The following BRWD3 variants were observed in gnomAD, a reference collection of about 807,000 sequenced individuals.
BRWD3 encodes the protein bromodomain and WD repeat-containing protein 3.
BRWD3 carries 10 observed loss-of-function variants against 149.7 expected under a neutral mutation model. The observed-to-expected ratio is 0.07, with a 90% CI of 0.04 to 0.11. The LOEUF (loss-of-function observed/expected upper bound fraction) is 0.11. Among genes scored for constraint, BRWD3 ranks in the 10% least tolerant of loss-of-function variants. BRWD3 has a pLI of 1.00. For synonymous variants in BRWD3, 504 were observed against 456.7 expected, an observed-to-expected ratio of 1.10 and a Z score of -1.32; for missense variants, 940 against 1,373.2, an observed-to-expected ratio of 0.68 and a Z score of 4.99.
chrX:80,780,099 A>G (rs765867030), intron 6 of BRWD3, among the ~76,000 whole-genome samples: 4 of 111,259 alleles, frequency 3.6e-5, no homozygotes, highest in African/African-American at 1.3e-4. Flanking sequence ...TTTTAACTTA[A>G]TTTGGTTAAT....
rs2072620646 is a variant in BRWD3 at position 80,692,082 on chromosome X, T to C, written c.3325+7A>G. 4 of 1,200,446 alleles carry C rather than the reference T, an allele frequency of 3.3e-6. No individual in the cohort carries two copies. The highest frequency in any genetic ancestry group is 2.2e-5 in the Admixed American group (1 of 45,678). On this transcript the variant is annotated splice_region_variant and intron_variant, in intron 29 of 40. Coordinates refer to ENST00000373275, the MANE Select transcript of BRWD3 (RefSeq NM_153252.5). ...AATTATAATTCATTTTTTAAAAGCA[T>C]ATTTACTTCCTTCTGGAATTGGCTC... is the stretch of plus-strand genomic sequence containing the variant.
intron 6 of BRWD3, among the ~76,000 whole-genome samples, chrX:80,754,766 A>C (rs1254927686): frequency 1.8e-5 from 2 of 112,034 alleles, no homozygotes; most frequent in Non-Finnish European, 3.8e-5. Flanking sequence ...CAGCACTTTG[A>C]GAGGCTGAGG....
At chrX:80,772,333 T>A (rs989823493) in intron 6 of BRWD3, among the ~76,000 whole-genome samples, 7 of 111,032 alleles carry the variant, frequency 6.3e-5, no homozygotes, top group African/African-American at 2.3e-4. Flanking sequence ...ATGGATACAG[T>A]TGGAAACCAT....
At chrX:80,752,670 T>G (rs180710424) in intron 6 of BRWD3, among the ~76,000 whole-genome samples, 68 of 112,035 alleles carry the variant, frequency 6.1e-4, no homozygotes, top group African/African-American at 2.0e-3. Context: ...GAGCATTTTT[T>G]CTTTTTCTTT....
chrX:80,723,573 C>A (rs947659951), intron 16 of BRWD3, among the ~76,000 whole-genome samples, 175 bp downstream of exon 16: 4 of 109,620 alleles, frequency 3.6e-5, no homozygotes, highest in Non-Finnish European at 7.6e-5. Flanking sequence ...CACAGCCAAA[C>A]CTAAGGTTCT....
intron 20 of BRWD3, among the ~76,000 whole-genome samples, chrX:80,713,393 C>T (rs1016326187): frequency 8.9e-6 from 1 of 111,992 alleles, no homozygotes; most frequent in Non-Finnish European, 1.9e-5. Flanking sequence ...GACCTTAACC[C>T]CAACCCTGTG....
At chrX:80,736,261 A>G (rs1430683186) in intron 8 of BRWD3, among the ~76,000 whole-genome samples, 173 bp from the exon 9 acceptor site, 8 of 111,958 alleles carry the variant, frequency 7.1e-5, no homozygotes, top group Admixed American at 6.6e-4. Flanking sequence ...ATACCTTATA[A>G]AAAATTTAAA....
intron 6 of BRWD3, among the ~76,000 whole-genome samples, chrX:80,765,400 G>A (rs1199297221): frequency 8.9e-6 from 1 of 111,732 alleles, no homozygotes; most frequent in Non-Finnish European, 1.9e-5. Flanking sequence ...TGTGATTAAG[G>A]TCAATACAAG....
chrX:80,714,694 T>C (rs1392148764), intron 20 of BRWD3, among the ~76,000 whole-genome samples: 2 of 112,332 alleles, frequency 1.8e-5, no homozygotes, highest in Non-Finnish European at 1.9e-5. Flanking sequence ...TCACTCATTT[T>C]TGGCTCAGAA....
chrX:80,719,533 TCTC>T lies in BRWD3; in HGVS notation c.1997_1999del (p.Gly666del), dbSNP rs1332497533. 1 of 1,206,347 alleles carries T rather than the reference TCTC, an allele frequency of 8.3e-7. No individual in the cohort carries two copies. Among genetic ancestry groups the T allele is most frequent in the Non-Finnish European group, 1.1e-6 (1 of 892,455 alleles). ...TCTATTAACTGGTAAATGTGGAACATCTCCTTCATTAATTAGTCTCAGGTCTTG... is the reference window on the plus strand; with the variant it reads ...TCTATTAACTGGTAAATGTGGAACATCTTCATTAATTAGTCTCAGGTCTTG... On this transcript the variant is annotated inframe_deletion, in exon 18 of 41. Transcript: ENST00000373275.
At chrX:80,792,022 T>C in intron 5 of BRWD3, 70 bp from the exon 6 acceptor site, 1 of 636,947 alleles carries the variant, frequency 1.6e-6, no homozygotes, top group Non-Finnish European at 2.5e-6. Context: ...CAGAAGCAAA[T>C]GTCTGATTTT....
chrX:80,748,485 T>C (rs889147436), intron 6 of BRWD3, among the ~76,000 whole-genome samples: 16 of 112,458 alleles, frequency 1.4e-4, no homozygotes, highest in African/African-American at 5.2e-4. Context: ...CTTTAAATGT[T>C]TGGTAGAATT....
At chrX:80,766,428 C>T (rs1172436224) in intron 6 of BRWD3, among the ~76,000 whole-genome samples, 2 of 111,399 alleles carry the variant, frequency 1.8e-5, no homozygotes, top group African/African-American at 6.5e-5. Context: ...TTCTGTTTCT[C>T]TGACGTACCC....
At chrX:80,785,118 G>A (rs1039210805) in intron 6 of BRWD3, among the ~76,000 whole-genome samples, 4 of 112,181 alleles carry the variant, frequency 3.6e-5, no homozygotes, top group Admixed American at 9.5e-5. Flanking sequence ...TTAAAATGAC[G>A]AAGAAATAGT....
Position 80,704,773 on chromosome X carries a change from T to C in BRWD3, c.2626A>G (p.Arg876Gly). ...CTGCATATTTTACGTGTTGTCTGTC[T>C]GGTTTGTCTTTTTGGGGGTTGTAAA... ...INLQPPKRQT[R>G]QTTRKICSSS... Residue 876 changes from arginine to glycine, a missense_variant, in exon 23 of 41, where the codon AGA becomes GGA. Arg to Gly is a moderately radical substitution (Grantham distance 125). This residue lies in a region of BRWD3 where 158 missense variants were observed against 284.0 expected (regional missense o/e 0.56). Transcript: ENST00000373275. The C allele has an allele frequency of 4.1e-6, 5 of 1,211,317 alleles. No individual in the cohort carries two copies. The highest frequency in any genetic ancestry group is 5.6e-6 in the Non-Finnish European group (5 of 894,862).
chrX:80,707,461 G>A lies in BRWD3; in HGVS notation c.2518C>T (p.Pro840Ser). 8.3e-7 allele frequency: 1 copy of A among 1,211,235 alleles called. No individual in the cohort carries two copies. The highest frequency in any genetic ancestry group is 1.1e-6 in the Non-Finnish European group (1 of 895,097). ...CTTTCACTTTGCCATTCAACAACAG[G>A]ATCCTCTACCGAAGCGTCACTTGTG... ...VGTSDASVED[P>S]VVEWQSESSS... is the part of the protein sequence containing the mutation. The change falls in exon 22 of 41, where the codon CCT (proline) becomes TCT (serine). Residue 840 changes from proline to serine, a missense_variant. Coordinates refer to ENST00000373275, the MANE Select transcript of BRWD3 (RefSeq NM_153252.5).
At position 80,701,545 on chromosome X, in the gene BRWD3, CAAAAAAAAAAAAAA is replaced by C. The variant is rs140140883; in HGVS notation, c.2836-1495_2836-1482del. ...GCCTGGGCAACAGAGCGAGACTCGTCAAAAAAAAAAAAAAAAAAAAAAAAAAAGTAGTGATAGAG... is the reference window on the plus strand; with the variant it reads ...GCCTGGGCAACAGAGCGAGACTCGTCAAAAAAAAAAAAAGTAGTGATAGAG... On this transcript the variant is annotated intron_variant, in intron 24 of 40. Transcript: ENST00000373275. 8.8e-3 allele frequency among the ~76,000 whole-genome samples: 214 copies of C among 24,212 alleles called. 3 individuals are homozygous for C. The highest frequency in any genetic ancestry group is 0.037 in the African/African-American group (210 of 5,693). 21.0% of individuals were successfully genotyped at this position (24,212 alleles called of 115,157 possible).
intron 6 of BRWD3, among the ~76,000 whole-genome samples, chrX:80,761,278 T>C (rs1025859218): frequency 3.6e-5 from 4 of 111,933 alleles, no homozygotes; most frequent in Non-Finnish European, 7.5e-5. Flanking sequence ...GTCATCAAGG[T>C]CAGTAATAAG....
rs1373535808 is a variant in BRWD3 at position 80,673,979 on chromosome X, C to G, written c.*2630G>C. On this transcript the variant is annotated 3_prime_UTR_variant, in exon 41 of 41. Transcript: ENST00000373275. ...CACAGGAGGTGGTATTACAAGAAAGCAAAGTGTAAATTGGGGGAAAAAAAA... is the reference window on the plus strand; with the variant it reads ...CACAGGAGGTGGTATTACAAGAAAGGAAAGTGTAAATTGGGGGAAAAAAAA... 1 of 110,629 alleles carries G rather than the reference C, an allele frequency of 9.0e-6. No homozygotes were observed. Among genetic ancestry groups the G allele is most frequent in the East Asian group, 2.8e-4 (1 of 3,527 alleles). The allele number at this position is 110,629 out of a possible 1,213,427, so 9.1% of individuals were successfully genotyped here.
Sources: allele counts gnomAD v4.1 joint callset (sites outside exome capture counted in the v4.1 genomes callset), GRCh38; gene constraint gnomAD v4.1.1; regional missense constraint gnomAD v4.1.1; transcripts MANE v1.5; gene names NCBI Gene and HGNC (gene_info 2026-07-23, HGNC 2026-07-21).